The following FNDC1 variants were observed in gnomAD, a reference collection of about 807,000 sequenced individuals.
The protein encoded by FNDC1 is fibronectin type III domain-containing protein 1.
Under a neutral mutation model 168.0 loss-of-function variants are expected in FNDC1, and 96 were observed. The ratio of observed to expected loss-of-function variants is 0.57; its 90% CI spans 0.48 to 0.68. The LOEUF (loss-of-function observed/expected upper bound fraction) is 0.68, where lower values mean the gene tolerates loss of function less well. Ranked by LOEUF, FNDC1 falls within the 30% of genes least tolerant of loss-of-function variation. FNDC1 has a pLI of 0.00. For missense variants in FNDC1, 2,587 were observed against 2,482.1 expected, an observed-to-expected ratio of 1.04 and a Z score of -0.90; for synonymous variants, 1,099 against 1,025.9, an observed-to-expected ratio of 1.07 and a Z score of -1.36.
At chr6:159,270,297 C>A (rs1777715450) in intron 22 of FNDC1, among the ~76,000 whole-genome samples, 1 of 152,168 alleles carries the variant, frequency 6.6e-6, no homozygotes, top group African/African-American at 2.4e-5. Context: ...AAAAGAAATA[C>A]AATAATAAAT....
chr6:159,228,190 T>C (rs139331878), intron 9 of FNDC1, among the ~76,000 whole-genome samples: 9 of 152,336 alleles, frequency 5.9e-5, no homozygotes, highest in African/African-American at 1.7e-4. Context: ...TCCATGGTAG[T>C]CAATTAAATA....
At chr6:159,241,616 C>G (rs1783422683) in intron 14 of FNDC1, among the ~76,000 whole-genome samples, 1 of 152,234 alleles carries the variant, frequency 6.6e-6, no homozygotes, top group African/African-American at 2.4e-5. Flanking sequence ...ATATCATCCT[C>G]ATATCGCATT....
Position 159,231,938 on chromosome 6 carries a change from G to A in FNDC1, c.1426G>A (p.Glu476Lys). Residue 476 changes from glutamate to lysine, a missense_variant, in exon 11 of 23, where the codon GAG (glutamate) becomes AAG (lysine). By Grantham distance (56) the Glu-to-Lys change is moderately conservative. Coordinates refer to ENST00000297267, the MANE Select transcript of FNDC1 (RefSeq NM_032532.3). Reference protein sequence around the residue: ...TEDNGKPEKPEPSSPSPRAPA... With the variant: ...TEDNGKPEKPKPSSPSPRAPA... ...GGACAATGGGAAACCCGAAAAACCTGAGCCTTCCTCACCTTCTCCCAGAGC... is the reference window on the plus strand; with the variant it reads ...GGACAATGGGAAACCCGAAAAACCTAAGCCTTCCTCACCTTCTCCCAGAGC... 1 of 1,613,710 alleles carries A rather than the reference G, an allele frequency of 6.2e-7. No individual in the cohort carries two copies. Among genetic ancestry groups the A allele is most frequent in the Non-Finnish European group, 8.5e-7 (1 of 1,179,832 alleles).
intron 12 of FNDC1, 103 bp downstream of exon 12, chr6:159,236,418 TTCTTC>T (rs1783261937): frequency 1.3e-6 from 1 of 770,930 alleles, no homozygotes; most frequent in African/African-American, 1.8e-5. Context: ...TTGTTTGTTC[TTCTTC>T]TCTAGTTTTA....
At chr6:159,231,036 TA>T (rs1783071679) in intron 10 of FNDC1, among the ~76,000 whole-genome samples, 1 of 152,184 alleles carries the variant, frequency 6.6e-6, no homozygotes, top group Non-Finnish European at 1.5e-5. Flanking sequence ...AGGAAGCAGG[TA>T]AGGACATGCT....
At chr6:159,210,766 G>T (rs779361911) in intron 4 of FNDC1, among the ~76,000 whole-genome samples, 1 of 152,194 alleles carries the variant, frequency 6.6e-6, no homozygotes, top group South Asian at 2.1e-4. Context: ...AGGGAGTTCA[G>T]ATGCAGAGTA....
At chr6:159,246,609 TGA>T (rs1235578109) in intron 14 of FNDC1, among the ~76,000 whole-genome samples, 10 of 151,250 alleles carry the variant, frequency 6.6e-5, no homozygotes, top group African/African-American at 2.4e-4. Flanking sequence ...GGGAGGGAGG[TGA>T]GAGAGAGCTT....
At chr6:159,247,791 A>T (rs1482310795) in intron 15 of FNDC1, among the ~76,000 whole-genome samples, 1 of 152,224 alleles carries the variant, frequency 6.6e-6, no homozygotes, top group Non-Finnish European at 1.5e-5. Flanking sequence ...TGCCTTGGAC[A>T]GCATCTGGGA....
At position 159,232,518 on chromosome 6, in the gene FNDC1, C is replaced by G. The variant is rs1051587136; in HGVS notation, c.2006C>G (p.Ala669Gly). ...PKGAFAQPRP[A>G]LSPSRQSPSS... ...GGCGCCTTCGCCCAGCCCCGGCCAGCCCTGTCCCCCAGCCGCCAGTCCCCG... is the reference window on the plus strand; with the variant it reads ...GGCGCCTTCGCCCAGCCCCGGCCAGGCCTGTCCCCCAGCCGCCAGTCCCCG... Residue 669 changes from alanine to glycine, a missense_variant, in exon 11 of 23, where the codon GCC becomes GGC. Physicochemically the swap from Ala to Gly is moderately conservative, Grantham distance 60 (BLOSUM62 0). Coordinates refer to ENST00000297267, the MANE Select transcript of FNDC1 (RefSeq NM_032532.3). This position sits in a 1 kb window ranked among gnomAD's most constrained non-coding sequence, Gnocchi z 4.9. 2 of 1,612,162 alleles carry G rather than the reference C, an allele frequency of 1.2e-6. No homozygotes were observed. Among genetic ancestry groups the G allele is most frequent in the Middle Eastern group, 3.3e-4 (2 of 6,054 alleles).
Position 159,233,343 on chromosome 6 carries a change from C to T in FNDC1, c.2831C>T (p.Ser944Phe). 6.2e-7 allele frequency: 1 copy of T among 1,613,942 alleles called. No homozygotes were observed. The highest frequency in any genetic ancestry group is 8.5e-7 in the Non-Finnish European group (1 of 1,179,868). The stretch of plus-strand genomic sequence containing the variant: ...ACACATCCTCAGGGCAAGTACTCCT[C>T]CCTGGCCTCCAAGGCTCAGGATGTT... ...ADTHPQGKYS[S>F]LASKAQDVQQ... Residue 944 changes from serine (S) to phenylalanine (F), a missense_variant, in exon 11 of 23, where the codon TCC (serine) becomes TTC (phenylalanine). Transcript: ENST00000297267. This position sits in a 1 kb window ranked among gnomAD's most constrained non-coding sequence, Gnocchi z 4.6.
chr6:159,255,055 T>C (rs1777344195), intron 17 of FNDC1, among the ~76,000 whole-genome samples: 2 of 152,208 alleles, frequency 1.3e-5, no homozygotes, highest in Admixed American at 6.5e-5. Flanking sequence ...ACCCAATCCA[T>C]TCGGCATTCT....
intron 1 of FNDC1, among the ~76,000 whole-genome samples, chr6:159,191,619 C>G (rs574171441): frequency 1.3e-5 from 2 of 152,288 alleles, no homozygotes; most frequent in South Asian, 4.2e-4. Context: ...AGTGCAATCA[C>G]AGAATTAAAA....
intron 17 of FNDC1, among the ~76,000 whole-genome samples, chr6:159,253,777 A>G (rs1259953400): frequency 6.6e-6 from 1 of 152,226 alleles, no homozygotes; most frequent in Non-Finnish European, 1.5e-5. Flanking sequence ...CAAAACCCAG[A>G]CACAGGATCA....
At chr6:159,270,485 A>G (rs1777720277) in intron 22 of FNDC1, among the ~76,000 whole-genome samples, 1 of 152,120 alleles carries the variant, frequency 6.6e-6, no homozygotes, top group Non-Finnish European at 1.5e-5. Context: ...CATTATCCAT[A>G]TTCCATGGTG....
intron 4 of FNDC1, among the ~76,000 whole-genome samples, chr6:159,214,587 A>G (rs1386724200): frequency 6.6e-6 from 1 of 152,240 alleles, no homozygotes; most frequent in Non-Finnish European, 1.5e-5. Context: ...CTATATTTTT[A>G]TACTGACCTT....
chr6:159,221,379 T>C (rs1169806620), intron 5 of FNDC1, among the ~76,000 whole-genome samples: 3 of 152,262 alleles, frequency 2.0e-5, no homozygotes, highest in Non-Finnish European at 4.4e-5. Context: ...AAAAAATCAG[T>C]TCCCTATTTT....
chr6:159,190,504 C>T (rs1274666924), intron 1 of FNDC1, among the ~76,000 whole-genome samples: 1 of 152,232 alleles, frequency 6.6e-6, no homozygotes, highest in African/African-American at 2.4e-5. Context: ...AGGCCGGTTG[C>T]TCTCTGTCCA....
rs1777618897 is a variant in FNDC1 at position 159,267,732 on chromosome 6, G to A, written c.5447-72G>A. On this transcript the variant is annotated intron_variant, in intron 21 of 22. Coordinates refer to ENST00000297267, the MANE Select transcript of FNDC1 (RefSeq NM_032532.3). ...TGAATTCAAACAGTCTCCAAAGCTT[G>A]TGCAAAAAAACTCCTAAACCAGTTG... is the stretch of plus-strand genomic sequence containing the variant. 4 of 1,557,662 alleles carry A rather than the reference G, an allele frequency of 2.6e-6. No homozygotes were observed. In the East Asian group the frequency reaches 9.0e-5, roughly 35 times the overall value.
In FNDC1 at chr6:159,239,864, C is replaced by T; in HGVS notation, c.4528C>T (p.Pro1510Ser). The T allele has an allele frequency of 6.5e-7, 1 of 1,549,604 alleles. No individual in the cohort carries two copies. The highest frequency in any genetic ancestry group is 1.4e-5 in the African/African-American group (1 of 73,150). ...CACCCCCACACCCACCACTCCCATC[C>T]CCACCTGTCCCCCTGGGACCTTGGA... ...TTTPTPTTPI[P>S]TCPPGTLERH... The change falls in exon 14 of 23, where the codon CCC (proline) becomes TCC (serine). Residue 1510 changes from proline to serine, a missense_variant. Transcript: ENST00000297267.
Sources: allele counts gnomAD v4.1 joint callset (sites outside exome capture counted in the v4.1 genomes callset), GRCh38; gene constraint gnomAD v4.1.1; non-coding constraint Gnocchi (gnomAD v3.1); transcripts MANE v1.5; gene names NCBI Gene and HGNC (gene_info 2026-07-23, HGNC 2026-07-21).